The following SALL2 variants were observed in gnomAD, a reference collection of about 807,000 sequenced individuals.
SALL2 encodes spalt like transcription factor 2.
Under a neutral mutation model 58.5 loss-of-function variants are expected in SALL2, and 32 were observed. The ratio of observed to expected loss-of-function variants is 0.55; its 90% CI spans 0.41 to 0.74. The LOEUF (loss-of-function observed/expected upper bound fraction) is 0.74. Ranked by LOEUF, SALL2 falls within the 30% of genes least tolerant of loss-of-function variation. SALL2 has a pLI of 0.00. For synonymous variants in SALL2, 516 were observed against 513.6 expected, an observed-to-expected ratio of 1.00 and a Z score of -0.06; for missense variants, 1,201 against 1,268.9, an observed-to-expected ratio of 0.95 and a Z score of 0.81.
In SALL2 at chr14:21,525,800, GGCCT is replaced by G; in HGVS notation, c.68-150_68-147del. The G allele has an allele frequency of 2.2e-6, 2 of 910,632 alleles. No homozygotes were observed. The highest frequency in any genetic ancestry group is 3.2e-6 in the Non-Finnish European group (2 of 625,248). 56.4% of individuals were successfully genotyped at this position (910,632 alleles called of 1,614,324 possible). A position where few individuals can be genotyped will look rare whatever the true frequency, so the allele number is the denominator to read the frequency against. On this transcript the variant is annotated intron_variant, in intron 1 of 1. Coordinates refer to ENST00000537235, the MANE Select transcript of SALL2 (RefSeq NM_001364564.1). This position sits in a 1 kb window ranked among gnomAD's most constrained non-coding sequence, Gnocchi z 4.4. ...GGGCCATGCAGAAGTCTAGAGCTCA[GGCCT>G]GATCCGTGTGGACAGGAGACAACCC...
In SALL2 at chr14:21,523,230, TGAG is replaced by T; in HGVS notation, c.2489_2491del (p.Thr830_Gln831delinsLys). The T allele has an allele frequency of 6.2e-7, 1 of 1,614,036 alleles. No homozygotes were observed. The highest frequency in any genetic ancestry group is 8.5e-7 in the Non-Finnish European group (1 of 1,180,040). The stretch of plus-strand genomic sequence containing the variant: ...TGGTGGTGGTGGCAAAGAAGACTGT[TGAG>T]TAGTTTTCTCATTACTGTCCATCTC... On this transcript the variant is annotated inframe_deletion, in exon 2 of 2. Transcript: ENST00000537235. This position sits in a 1 kb window ranked among gnomAD's most constrained non-coding sequence, Gnocchi z 4.4.
Position 21,523,412 on chromosome 14 carries a change from T to TTCCTCATCC in SALL2, c.2301_2309dup (p.Asp768_Glu770dup), listed in dbSNP as rs1161002092. The stretch of plus-strand genomic sequence containing the variant: ...CTTCATCAGTCACATCTTCCTCTTC[T>TTCCTCATCC]TCCTCATCCTCCTCTTCCTCCTCCT... On this transcript the variant is annotated inframe_insertion, in exon 2 of 2. Coordinates refer to ENST00000537235, the MANE Select transcript of SALL2 (RefSeq NM_001364564.1). This position sits in a 1 kb window ranked among gnomAD's most constrained non-coding sequence, Gnocchi z 4.4. 3 of 1,613,926 alleles carry TTCCTCATCC rather than the reference T, an allele frequency of 1.9e-6. No individual in the cohort carries two copies. The highest frequency in any genetic ancestry group is 2.5e-6 in the Non-Finnish European group (3 of 1,180,008).
chr14:21,533,723 A>G (rs1323732694), intron 1 of SALL2, among the ~76,000 whole-genome samples: 2 of 152,132 alleles, frequency 1.3e-5, no homozygotes, highest in East Asian at 1.9e-4. Flanking sequence ...AAACGGCTGG[A>G]AAACAGATTT....
At position 21,521,701 on chromosome 14, in the gene SALL2, C is replaced by A. The variant is rs1892037803; in HGVS notation, c.*1003G>T. The A allele has an allele frequency of 3.3e-6, 1 of 304,538 alleles. No homozygotes were observed. The highest frequency in any genetic ancestry group is 6.2e-6 in the Non-Finnish European group (1 of 161,082). The allele number at this position is 304,538 out of a possible 1,614,324, so 18.9% of individuals were successfully genotyped here. A position where few individuals can be genotyped will look rare whatever the true frequency, so the allele number is the denominator to read the frequency against. On this transcript the variant is annotated 3_prime_UTR_variant, in exon 2 of 2. Transcript: ENST00000537235. ...ATCATTAGTTCATCAACCATGCTGA[C>A]CAAAAATGCTCCTTAAAGATACGAA...
At chr14:21,530,092 C>T (rs1325201960), upstream of SALL2, among the ~76,000 whole-genome samples, 1 of 152,094 alleles carries the variant, frequency 6.6e-6, no homozygotes, top group African/African-American at 2.4e-5. Context: ...CCTACAGTGC[C>T]CACAACCACA....
In SALL2 at chr14:21,522,462, C is replaced by G. The variant is rs1240639913; in HGVS notation, c.*242G>C. The G allele has an allele frequency of 7.9e-6, 11 of 1,400,898 alleles. No homozygotes were observed. Among genetic ancestry groups the G allele is most frequent in the Non-Finnish European group, 8.3e-6 (9 of 1,081,350 alleles). 86.8% of individuals were successfully genotyped at this position (1,400,898 alleles called of 1,614,324 possible). The stretch of plus-strand genomic sequence containing the variant: ...CTGGAGAGGGTTCCCCTTGAGAAAG[C>G]TGCAGAGAATCTATGTTCCTCAGGT... On this transcript the variant is annotated 3_prime_UTR_variant, in exon 2 of 2. Coordinates refer to ENST00000537235, the MANE Select transcript of SALL2 (RefSeq NM_001364564.1).
chr14:21,532,261 T>C (rs1397726629), intron 1 of SALL2, among the ~76,000 whole-genome samples: 1 of 151,964 alleles, frequency 6.6e-6, no homozygotes, highest in Non-Finnish European at 1.5e-5. Flanking sequence ...AATATGAAAT[T>C]TGGCAAGGTC....
intron 1 of SALL2, chr14:21,536,742 G>T: frequency 1.2e-6 from 1 of 817,006 alleles, no homozygotes; most frequent in Non-Finnish European, 2.0e-6. Context: ...CAGTGACCAA[G>T]TCCGCCCCCG....
Position 21,523,674 on chromosome 14 carries a change from G to A in SALL2, c.2048C>T (p.Pro683Leu). ...GCAGGAATTCTGTGCCCGGGCAGCT[G>A]GACTGGCCTTGTGGCCCACGAAATG... The part of the protein sequence containing the change: ...RAHFVGHKAS[P>L]AARAQNSCPI... Residue 683 changes from proline (P) to leucine (L), a missense_variant, in exon 2 of 2, where the codon CCA (proline) becomes CTA (leucine). By Grantham distance (98) the Pro-to-Leu change is moderately conservative. Transcript: ENST00000537235. The surrounding 1 kb of genome is among the most constrained non-coding windows in gnomAD (Gnocchi z 4.4). The A allele has an allele frequency of 2.5e-6, 4 of 1,614,198 alleles. No individual in the cohort carries two copies. Among genetic ancestry groups the A allele is most frequent in the Non-Finnish European group, 3.4e-6 (4 of 1,180,040 alleles).
rs993140175 is a variant in SALL2 at position 21,525,842 on chromosome 14, G to A, written c.68-188C>T. 1.8e-4 allele frequency among the ~76,000 whole-genome samples: 27 copies of A among 150,578 alleles called. No individual in the cohort carries two copies. Among genetic ancestry groups the A allele is most frequent in the African/African-American group, 5.6e-4 (23 of 41,068 alleles). On this transcript the variant is annotated intron_variant, in intron 1 of 1. Coordinates refer to ENST00000537235, the MANE Select transcript of SALL2 (RefSeq NM_001364564.1). This position sits in a 1 kb window ranked among gnomAD's most constrained non-coding sequence, Gnocchi z 4.4. ...CAGGAGACAACCCGGCATGGGGCAG[G>A]GGGGTGGGGAGGGAGGAGGGGAGGG... is the stretch of plus-strand genomic sequence containing the variant.
chr14:21,521,328 TC>T lies in SALL2; in HGVS notation c.*1375del, dbSNP rs1232517939. On this transcript the variant is annotated 3_prime_UTR_variant, in exon 2 of 2. Transcript: ENST00000537235. Reference sequence around the variant, plus strand: ...GGGAGGACGCCACCTGGAGCTGGTCTCCCAAAGTCTGGGACTCTTAAGAACC... The same window carrying T: ...GGGAGGACGCCACCTGGAGCTGGTCTCCAAAGTCTGGGACTCTTAAGAACC... 2 of 111,602 alleles carry T rather than the reference TC, an allele frequency of 1.8e-5. No individual in the cohort carries two copies. Among genetic ancestry groups the T allele is most frequent in the Non-Finnish European group, 4.4e-5 (2 of 45,150 alleles). 6.9% of individuals were successfully genotyped at this position (111,602 alleles called of 1,614,324 possible). A position where few individuals can be genotyped will look rare whatever the true frequency, so the allele number is the denominator to read the frequency against.
upstream of SALL2, among the ~76,000 whole-genome samples, chr14:21,528,673 A>T (rs1665754958): frequency 6.6e-6 from 1 of 152,254 alleles, no homozygotes; most frequent in East Asian, 1.9e-4. Context: ...TGAAGCTTGG[A>T]GAGGTTAAGT....
chr14:21,523,984 A>G lies in SALL2; in HGVS notation c.1738T>C (p.Leu580=). Reference sequence around the variant, plus strand: ...GATGTCTCAGAGGGTGAGGCCCCCAAGGGCTCTAGCACATAGGGGAAGGGG... The same window carrying G: ...GATGTCTCAGAGGGTGAGGCCCCCAGGGGCTCTAGCACATAGGGGAAGGGG... The part of the protein sequence containing the change: ...SFPFPYVLEP[L]GASPSETSKL... Residue 580 remains leucine, a synonymous_variant, in exon 2 of 2, where the codon TTG becomes CTG. Transcript: ENST00000537235. This position sits in a 1 kb window ranked among gnomAD's most constrained non-coding sequence, Gnocchi z 4.4. 6.2e-7 allele frequency: 1 copy of G among 1,614,248 alleles called. No individual in the cohort carries two copies. Among genetic ancestry groups the G allele is most frequent in the Non-Finnish European group, 8.5e-7 (1 of 1,180,040 alleles).
exon 1 of SALL2, chr14:21,537,007 G>C (rs1892615595): frequency 9.0e-7 from 1 of 1,115,086 alleles, no homozygotes; most frequent in African/African-American, 1.5e-5. Context: ...CCTTGGGTCC[G>C]AAGCCAATTG....
chr14:21,523,164 C>T lies in SALL2; in HGVS notation c.2558G>A (p.Gly853Glu). The change falls in exon 2 of 2, where the codon GGA (glycine) becomes GAA (glutamate). Residue 853 changes from glycine to glutamate, a missense_variant. Transcript: ENST00000537235. This position sits in a 1 kb window ranked among gnomAD's most constrained non-coding sequence, Gnocchi z 4.4. ...CTTGCCTCCTAAAACACCACTGCTT[C>T]CCTGCTCCATTGGCTGAGGCTGATC... ...SLDQPQPMEQ[G>E]SSGVLGGKEE... The T allele has an allele frequency of 6.2e-7, 1 of 1,614,176 alleles. No homozygotes were observed. The highest frequency in any genetic ancestry group is 8.5e-7 in the Non-Finnish European group (1 of 1,180,040).
intron 1 of SALL2, among the ~76,000 whole-genome samples, chr14:21,533,663 C>A (rs1266491612): frequency 2.0e-5 from 3 of 151,244 alleles, no homozygotes; most frequent in Non-Finnish European, 4.4e-5. Context: ...CACTTATATG[C>A]AATAACTGTT....
In SALL2 at chr14:21,522,983, C is replaced by T. The variant is rs759508112; in HGVS notation, c.2739G>A (p.Val913=). The T allele has an allele frequency of 5.0e-6, 8 of 1,614,174 alleles. No individual in the cohort carries two copies. In the South Asian group the frequency reaches 6.6e-5, roughly 13 times the overall value. The change falls in exon 2 of 2, where the codon GTG becomes GTA. Residue 913 remains valine (V), a synonymous_variant. Coordinates refer to ENST00000537235, the MANE Select transcript of SALL2 (RefSeq NM_001364564.1). ...CCTGGGAGGGAAAGGCCTGGCCACACACTTCGCAGGCCTTTCTGCTGCTGC... is the reference window on the plus strand; with the variant it reads ...CCTGGGAGGGAAAGGCCTGGCCACATACTTCGCAGGCCTTTCTGCTGCTGC... ...GESSSRKACE[V]CGQAFPSQAA... is the part of the protein sequence containing the mutation.
intron 1 of SALL2, among the ~76,000 whole-genome samples, chr14:21,535,929 G>A (rs1892585482): frequency 6.6e-6 from 1 of 150,942 alleles, no homozygotes; most frequent in Non-Finnish European, 1.5e-5. Flanking sequence ...AATCAGGCAA[G>A]TTTTTAAAAC....
Position 21,524,955 on chromosome 14 carries a change from G to A in SALL2, c.767C>T (p.Ser256Phe). ...CCCTGAAGAGGAAGAGGAGGAGGAG[G>A]AGGAAGATGCCAGTGTCTTGCTGGT... ...VQTSKTLASSSSSSSSSSGAE... is the reference protein window; with the variant it reads ...VQTSKTLASSFSSSSSSSGAE... Residue 256 changes from serine (S) to phenylalanine (F), a missense_variant, in exon 2 of 2, where the codon TCC becomes TTC. By Grantham distance (155) the Ser-to-Phe change is radical. Transcript: ENST00000537235. 1 of 1,614,172 alleles carries A rather than the reference G, an allele frequency of 6.2e-7. No individual in the cohort carries two copies. Among genetic ancestry groups the A allele is most frequent in the Non-Finnish European group, 8.5e-7 (1 of 1,180,008 alleles).
Sources: gnomAD v4.1 joint callset for allele counts (sites outside exome capture counted in the v4.1 genomes callset) on GRCh38, gnomAD v4.1.1 for gene constraint, Gnocchi (gnomAD v3.1) non-coding constraint, MANE v1.5 for transcripts, NCBI Gene and HGNC (gene_info 2026-07-23, HGNC 2026-07-21) for gene names.